Variants in CABIN1 observed in about 807,000 individuals in gnomAD.
CABIN1 encodes the protein calcineurin-binding protein cabin-1.
CABIN1 carries 133 observed loss-of-function variants against 227.7 expected under a neutral mutation model. The observed-to-expected ratio is 0.58, with a 90% confidence interval of 0.51 to 0.67. CABIN1 has a LOEUF of 0.67. Ranked by LOEUF, CABIN1 falls within the 30% of genes least tolerant of loss-of-function variation. The pLI is 0.00. For synonymous variants in CABIN1, 1,086 were observed against 1,155.1 expected, an observed-to-expected ratio of 0.94 and a Z score of 1.21; for missense variants, 2,408 against 2,852.5, an observed-to-expected ratio of 0.84 and a Z score of 3.55.
In CABIN1 at chr22:24,177,491, CTT is replaced by C. The variant is rs1569331823; in HGVS notation, c.6206-11_6206-10del. ...GGCAGGCAGGAAGTGCTCTTGGTAC[CTT>C]TGTCTTCCAGAGGGGAAACTGAGGC... On this transcript the variant is annotated splice_polypyrimidine_tract_variant and intron_variant, in intron 35 of 36. Transcript: ENST00000263119. The surrounding 1 kb of genome is among the most constrained non-coding windows in gnomAD (Gnocchi z 4.4). 6.6e-7 allele frequency: 1 copy of C among 1,521,256 alleles called. No individual in the cohort carries two copies. The highest frequency in any genetic ancestry group is 2.3e-5 in the East Asian group (1 of 43,894). 94.2% of individuals were successfully genotyped at this position (1,521,256 alleles called of 1,614,324 possible). A position where few individuals can be genotyped will look rare whatever the true frequency, so the allele number is the denominator to read the frequency against.
intron 20 of CABIN1, 63 bp from the exon 21 acceptor site, chr22:24,084,516 G>A: frequency 1.5e-6 from 2 of 1,294,252 alleles, no homozygotes; most frequent in East Asian, 4.6e-5. Flanking sequence ...ATGGAGGAAT[G>A]CAATTTTCCT....
chr22:24,093,184 A>C (rs181436583), intron 24 of CABIN1, among the ~76,000 whole-genome samples: 15 of 152,266 alleles, frequency 9.9e-5, no homozygotes, highest in Admixed American at 3.3e-4. Context: ...GACTGATGAG[A>C]GTGTTTGCTT....
chr22:24,169,917 G>A (rs1299555254), intron 33 of CABIN1, among the ~76,000 whole-genome samples: 1 of 152,242 alleles, frequency 6.6e-6, no homozygotes, highest in African/African-American at 2.4e-5. Context: ...GCCCCTGAGG[G>A]CTGGGTGAGC....
chr22:24,067,207 C>T, intron 16 of CABIN1, 26 bp downstream of exon 16: 1 of 1,609,230 alleles, frequency 6.2e-7, no homozygotes, highest in Non-Finnish European at 8.5e-7. Context: ...GTCCCTCACA[C>T]CCACTTGCAC....
intron 12 of CABIN1, among the ~76,000 whole-genome samples, chr22:24,060,607 T>C (rs904816641): frequency 3.3e-5 from 5 of 152,232 alleles, no homozygotes; most frequent in African/African-American, 9.6e-5. Context: ...GGACTGTGAC[T>C]GAGGCTTTTG....
rs569598437 is a variant in CABIN1 at position 24,041,145 on chromosome 22, T to G, written c.217T>G (p.Ser73Ala). The G allele has an allele frequency of 5.0e-6, 8 of 1,614,212 alleles. No homozygotes were observed. The East Asian group carries it at 1.6e-4, about 31-fold the overall frequency. ...TGTTCTGTTTTGTTCACAGGCAGTT[T>G]CATCCGGTGATGAGAAAGAGGGGTT... ...LEASLLREAV[S>A]SGDEKEGLKH... is the part of the protein sequence containing the mutation. Residue 73 changes from serine to alanine, a missense_variant, in exon 5 of 37, where the codon TCA becomes GCA. Transcript: ENST00000263119.
intron 33 of CABIN1, among the ~76,000 whole-genome samples, chr22:24,171,359 C>T (rs1212857595): frequency 6.6e-6 from 1 of 152,222 alleles, no homozygotes; most frequent in Non-Finnish European, 1.5e-5. Context: ...GGAGCTGCAC[C>T]CATGCCTAGG....
intron 25 of CABIN1, 77 bp from the exon 26 acceptor site, chr22:24,097,937 T>C (rs968184242): frequency 1.9e-6 from 3 of 1,563,218 alleles, no homozygotes; most frequent in Non-Finnish European, 2.6e-6. Context: ...GGGAAGGGCA[T>C]TCACCCTTAC....
At chr22:24,015,920 T>C (rs1439050147) in intron 1 of CABIN1, among the ~76,000 whole-genome samples, 4 of 152,162 alleles carry the variant, frequency 2.6e-5, no homozygotes, top group Non-Finnish European at 5.9e-5. Flanking sequence ...ATCGCGCCAC[T>C]GCACTCCAGC....
At chr22:24,125,491 C>G (rs2043665503) in intron 28 of CABIN1, among the ~76,000 whole-genome samples, 1 of 152,192 alleles carries the variant, frequency 6.6e-6, no homozygotes, top group South Asian at 2.1e-4. Flanking sequence ...CACCATTAGA[C>G]TGGAGCAGGT....
intron 35 of CABIN1, among the ~76,000 whole-genome samples, chr22:24,176,587 C>T (rs1323130187): frequency 6.6e-6 from 1 of 152,174 alleles, no homozygotes; most frequent in African/African-American, 2.4e-5. Flanking sequence ...ACTGCAGAAC[C>T]CAGGCTGAGC....
At chr22:24,032,526 A>G (rs2036569116) in intron 1 of CABIN1, among the ~76,000 whole-genome samples, 1 of 152,204 alleles carries the variant, frequency 6.6e-6, no homozygotes, top group Non-Finnish European at 1.5e-5. Context: ...TGGGTCATGT[A>G]GTAATTCTGT....
At chr22:24,058,649 G>C (rs2038974721) in intron 10 of CABIN1, among the ~76,000 whole-genome samples, 1 of 152,180 alleles carries the variant, frequency 6.6e-6, no homozygotes, top group South Asian at 2.1e-4. Flanking sequence ...TAGTTGTTGG[G>C]CTCCCATGAG....
chr22:24,125,134 C>T (rs977607918), intron 28 of CABIN1, among the ~76,000 whole-genome samples: 1 of 152,160 alleles, frequency 6.6e-6, no homozygotes, highest in Admixed American at 6.5e-5. Flanking sequence ...AGCCTGGCAG[C>T]GCTAGCCCAA....
chr22:24,079,629 C>A (rs1260385305), intron 19 of CABIN1, among the ~76,000 whole-genome samples: 1 of 152,112 alleles, frequency 6.6e-6, no homozygotes, highest in African/African-American at 2.4e-5. Context: ...TTTAGATGTT[C>A]TTTCTAATAA....
At chr22:24,086,431 T>C (rs906028853) in intron 22 of CABIN1, among the ~76,000 whole-genome samples, 2 of 152,232 alleles carry the variant, frequency 1.3e-5, no homozygotes, top group Non-Finnish European at 2.9e-5. Context: ...GCCTGGCCCA[T>C]TAGGCAACCC....
chr22:24,177,209 C>T lies in CABIN1; in HGVS notation c.6206-295C>T, dbSNP rs370084658. Among the ~76,000 whole-genome samples, 15 of 152,322 alleles carry T rather than the reference C, an allele frequency of 9.8e-5. No homozygotes were observed. The highest frequency in any genetic ancestry group is 3.1e-4 in the African/African-American group (13 of 41,568). On this transcript the variant is annotated intron_variant, in intron 35 of 36. Transcript: ENST00000263119. The surrounding 1 kb of genome is among the most constrained non-coding windows in gnomAD (Gnocchi z 4.4). ...ACGACAGTTCATGCAAGCATGATGC[C>T]TGGAGGTCTTACAGAACCCAGCAAG...
At position 24,177,355 on chromosome 22, in the gene CABIN1, G is replaced by C; in HGVS notation, c.6206-149G>C. The C allele has an allele frequency of 1.4e-6, 1 of 690,674 alleles. No homozygotes were observed. Among genetic ancestry groups the C allele is most frequent in the Non-Finnish European group, 2.4e-6 (1 of 425,080 alleles). 42.8% of individuals were successfully genotyped at this position (690,674 alleles called of 1,614,324 possible). A position where few individuals can be genotyped will look rare whatever the true frequency, so the allele number is the denominator to read the frequency against. ...CCCTGCAGGCCTGAGCCAAGTATTTGCCCAGGGTAGAAGCCTTGGAGCCTG... is the reference window on the plus strand; with the variant it reads ...CCCTGCAGGCCTGAGCCAAGTATTTCCCCAGGGTAGAAGCCTTGGAGCCTG... On this transcript the variant is annotated intron_variant, in intron 35 of 36. Coordinates refer to ENST00000263119, the MANE Select transcript of CABIN1 (RefSeq NM_012295.4). This position sits in a 1 kb window ranked among gnomAD's most constrained non-coding sequence, Gnocchi z 4.4.
At chr22:24,112,747 C>T (rs1048617041) in intron 26 of CABIN1, among the ~76,000 whole-genome samples, 1 of 152,252 alleles carries the variant, frequency 6.6e-6, no homozygotes, top group Admixed American at 6.5e-5. Context: ...TCCTGCCCCT[C>T]CCTTAGAATA....
Sources: gnomAD v4.1 joint callset for allele counts (sites outside exome capture counted in the v4.1 genomes callset) on GRCh38, gnomAD v4.1.1 for gene constraint, Gnocchi (gnomAD v3.1) non-coding constraint, MANE v1.5 for transcripts, NCBI Gene and HGNC (gene_info 2026-07-23, HGNC 2026-07-21) for gene names.